ZEB1: variants seen among roughly 807,000 people sequenced by gnomAD.
ZEB1 encodes the protein zinc finger E-box-binding homeobox 1.
In ZEB1, 21 loss-of-function variants were observed where a neutral mutation model predicts 84.9. That is an observed-to-expected ratio of 0.25 (90% CI 0.18 to 0.36). ZEB1 has a LOEUF of 0.36. ZEB1 is among the 10% of genes least tolerant of loss of function. The probability of loss-of-function intolerance (pLI) is 1.00; values close to 1 mark genes in which losing one functional copy is unlikely to be tolerated. For missense variants in ZEB1, 1,104 were observed against 1,330.2 expected, an observed-to-expected ratio of 0.83 and a Z score of 2.65; for synonymous variants, 420 against 471.1, an observed-to-expected ratio of 0.89 and a Z score of 1.41.
At chr10:31,522,022 C>T (rs1448353741) in intron 7 of ZEB1, 86 bp downstream of exon 7, 31 of 1,570,378 alleles carry the variant, frequency 2.0e-5, no homozygotes, top group East Asian at 2.3e-5. Flanking sequence ...ATATCAGTCC[C>T]GTAGAGCCAA....
chr10:31,452,916 T>A (rs1761383), intron 1 of ZEB1, among the ~76,000 whole-genome samples: 37,845 of 152,062 alleles, frequency 0.25, 10,410 homozygotes, highest in African/African-American at 0.69. Context: ...AAAATATTCT[T>A]ATACTTAATA....
chr10:31,411,487 C>T (rs2135788266), intron 1 of ZEB1, among the ~76,000 whole-genome samples: 1 of 152,022 alleles, frequency 6.6e-6, no homozygotes, highest in East Asian at 1.9e-4. Flanking sequence ...AAAAAATTAG[C>T]CGGGCGCGGT....
intron 2 of ZEB1, among the ~76,000 whole-genome samples, chr10:31,465,989 ACCAGG>A (rs1175921540): frequency 6.6e-6 from 1 of 152,232 alleles, no homozygotes; most frequent in Non-Finnish European, 1.5e-5. Flanking sequence ...CCATTTTTAC[ACCAGG>A]CAAAATAAAT....
chr10:31,465,110 C>T (rs1188819309), intron 2 of ZEB1, among the ~76,000 whole-genome samples: 1 of 151,630 alleles, frequency 6.6e-6, no homozygotes, highest in Non-Finnish European at 1.5e-5. Flanking sequence ...GGATAAATAC[C>T]TGAGGGGACA....
At chr10:31,516,914 T>C (rs1332180024) in intron 6 of ZEB1, among the ~76,000 whole-genome samples, 1 of 152,070 alleles carries the variant, frequency 6.6e-6, no homozygotes, top group Non-Finnish European at 1.5e-5. Context: ...ATCTCAGGAC[T>C]GGTACCAGTC....
At chr10:31,324,002 GT>G (rs2034839227) in intron 1 of ZEB1, among the ~76,000 whole-genome samples, 1 of 147,360 alleles carries the variant, frequency 6.8e-6, no homozygotes. Context: ...TGTGTAAATA[GT>G]TTTTCATTTC....
At chr10:31,443,513 T>C (rs1343916767) in intron 1 of ZEB1, among the ~76,000 whole-genome samples, 1 of 150,272 alleles carries the variant, frequency 6.7e-6, no homozygotes, top group Non-Finnish European at 1.5e-5. Flanking sequence ...CTGCACCCAC[T>C]AACTCGTCAT....
At chr10:31,380,613 C>A (rs1311319587) in intron 1 of ZEB1, among the ~76,000 whole-genome samples, 2 of 152,098 alleles carry the variant, frequency 1.3e-5, no homozygotes, top group Non-Finnish European at 2.9e-5. Context: ...AAATCTGCCA[C>A]CCCTTACACA....
chr10:31,385,485 TTTC>T (rs1406643820), intron 1 of ZEB1, among the ~76,000 whole-genome samples: 1 of 152,086 alleles, frequency 6.6e-6, no homozygotes, highest in African/African-American at 2.4e-5. Context: ...GATTTCAGCA[TTTC>T]TTCATTTTGT....
rs578226906 is a variant in ZEB1, at chr10:31,448,001, A to C, written c.59-13036A>C. 4.6e-5 allele frequency among the ~76,000 whole-genome samples: 7 copies of C among 151,188 alleles called. 1 individual carries two copies. The highest frequency in any genetic ancestry group is 4.6e-4 in the Admixed American group (7 of 15,206). On this transcript the variant is annotated intron_variant, in intron 1 of 8. Coordinates refer to ENST00000424869, the MANE Select transcript of ZEB1 (RefSeq NM_001174096.2). ...GAAGTTCTCCTGGATAATATCCTGCAGAGTGTTTTCCAACTTGGTTCCATT... is the reference window on the plus strand; with the variant it reads ...GAAGTTCTCCTGGATAATATCCTGCCGAGTGTTTTCCAACTTGGTTCCATT...
chr10:31,433,550 CT>C (rs2057966719), intron 1 of ZEB1, among the ~76,000 whole-genome samples: 1 of 152,212 alleles, frequency 6.6e-6, no homozygotes, highest in Non-Finnish European at 1.5e-5. Flanking sequence ...AAAGCAGCTA[CT>C]TCGGTAGCAA....
intron 1 of ZEB1, among the ~76,000 whole-genome samples, chr10:31,426,015 C>G (rs1481236754): frequency 6.6e-6 from 1 of 152,094 alleles, no homozygotes; most frequent in Non-Finnish European, 1.5e-5. Flanking sequence ...GGAGAGAACT[C>G]TAGAGACCTG....
At chr10:31,354,008 A>G (rs748806798) in intron 1 of ZEB1, among the ~76,000 whole-genome samples, 1 of 152,206 alleles carries the variant, frequency 6.6e-6, no homozygotes, top group Non-Finnish European at 1.5e-5. Flanking sequence ...GAACTTTTGG[A>G]TGCTAGTGAT....
At chr10:31,354,104 G>A (rs535327551) in intron 1 of ZEB1, among the ~76,000 whole-genome samples, 7 of 152,224 alleles carry the variant, frequency 4.6e-5, no homozygotes, top group African/African-American at 1.4e-4. Flanking sequence ...GCTTAAAGTG[G>A]GAACAGAGCA....
At chr10:31,361,274 C>T in intron 1 of ZEB1, 1 of 1,520,276 alleles carries the variant, frequency 6.6e-7, no homozygotes, top group East Asian at 2.3e-5. Flanking sequence ...CTCACTGCAA[C>T]CTCCACTTCC....
At chr10:31,456,151 A>C (rs1393191131) in intron 1 of ZEB1, among the ~76,000 whole-genome samples, 1 of 152,142 alleles carries the variant, frequency 6.6e-6, no homozygotes, top group East Asian at 1.9e-4. Context: ...GCAAACTATC[A>C]CAAGAACAGA....
intron 1 of ZEB1, among the ~76,000 whole-genome samples, chr10:31,430,619 A>G (rs2057597217): frequency 6.6e-6 from 1 of 152,230 alleles, no homozygotes. Context: ...TAATAAAAAT[A>G]ATTTCTACCA....
At chr10:31,323,353 AATTG>A (rs1028969324) in intron 1 of ZEB1, among the ~76,000 whole-genome samples, 3 of 139,546 alleles carry the variant, frequency 2.1e-5, no homozygotes, top group South Asian at 2.1e-4. Context: ...GGAAAATTAC[AATTG>A]ATTGATAATA....
At chr10:31,502,224 A>G in intron 3 of ZEB1, 124 bp from the exon 4 acceptor site, 1 of 978,254 alleles carries the variant, frequency 1.0e-6, no homozygotes, top group South Asian at 1.6e-5. Flanking sequence ...AATTTTCAAG[A>G]AATATTTTCT....
Sources: gnomAD v4.1 joint callset for allele counts (sites outside exome capture counted in the v4.1 genomes callset) on GRCh38, gnomAD v4.1.1 for gene constraint, MANE v1.5 for transcripts, NCBI Gene and HGNC (gene_info 2026-07-23, HGNC 2026-07-21) for gene names.